ADGRL1: variants seen among roughly 807,000 people sequenced by gnomAD.
ADGRL1 encodes adhesion G protein-coupled receptor L1, also known as CIRL-1.
Under a neutral mutation model 148.9 loss-of-function variants are expected in ADGRL1, and 31 were observed. That is an observed-to-expected ratio of 0.21 (90% CI 0.16 to 0.28). The LOEUF is 0.28. ADGRL1 is among the 10% of genes least tolerant of loss of function. The probability of loss-of-function intolerance (pLI) is 1.00; values close to 1 mark genes in which losing one functional copy is unlikely to be tolerated. For synonymous variants in ADGRL1, 937 were observed against 900.3 expected (o/e 1.04, Z -0.73); for missense variants, 1,521 against 2,058.8 (o/e 0.74, Z 5.05).
chr19:14,184,187 G>T (rs1971413916), intron 1 of ADGRL1, among the ~76,000 whole-genome samples: 1 of 152,176 alleles, frequency 6.6e-6, no homozygotes, highest in African/African-American at 2.4e-5. Flanking sequence ...AAGCTCTGGT[G>T]GCTAATTAGA....
chr19:14,198,238 G>A (rs911346332), intron 1 of ADGRL1, among the ~76,000 whole-genome samples: 3 of 152,104 alleles, frequency 2.0e-5, no homozygotes, highest in African/African-American at 7.2e-5. Context: ...TTTCTAGAGA[G>A]GTGGGAGCCA....
chr19:14,168,497 G>A (rs1599445251), intron 4 of ADGRL1, among the ~76,000 whole-genome samples: 2 of 152,074 alleles, frequency 1.3e-5, no homozygotes, highest in South Asian at 2.1e-4. Flanking sequence ...TCTTCCATCA[G>A]ACAGGCAGCC....
chr19:14,154,953 A>T (rs981061413), intron 18 of ADGRL1, among the ~76,000 whole-genome samples: 1 of 152,062 alleles, frequency 6.6e-6, no homozygotes, highest in South Asian at 2.1e-4. Flanking sequence ...TAACACATTT[A>T]TTTTAAAAAG....
rs1555693815 is a variant in ADGRL1, at chr19:14,204,734, G to C, written c.-96+1251C>G. Among the ~76,000 whole-genome samples the C allele has an allele frequency of 5.6e-3, 794 of 142,750 alleles. 20 individuals are homozygous for C. Among genetic ancestry groups the C allele is most frequent in the Admixed American group, 0.042 (608 of 14,510 alleles). 93.6% of individuals were successfully genotyped at this position (142,750 alleles called of 152,430 possible). A position where few individuals can be genotyped will look rare whatever the true frequency, so the allele number is the denominator to read the frequency against. ...AGAGTGAGAGAGAGAGAGAGAGAGA[G>C]AGAGAGACAGACAGAGAGAGAGAGA... On this transcript the variant is annotated intron_variant, in intron 1 of 22. Coordinates refer to ENST00000361434, the MANE Select transcript of ADGRL1 (RefSeq NM_014921.5).
intron 2 of ADGRL1, among the ~76,000 whole-genome samples, chr19:14,182,306 T>G (rs1033454621): frequency 6.6e-6 from 1 of 152,236 alleles, no homozygotes; most frequent in Non-Finnish European, 1.5e-5. Flanking sequence ...GCAGGGTCCA[T>G]GCTGGCCGGG....
chr19:14,158,623 TC>T, intron 11 of ADGRL1, 71 bp from the exon 12 acceptor site: 1 of 1,308,982 alleles, frequency 7.6e-7, no homozygotes, highest in Non-Finnish European at 1.1e-6. Context: ...GCCCCTGGCT[TC>T]CCAGCTCAGC....
chr19:14,198,012 C>T (rs573598142), intron 1 of ADGRL1, among the ~76,000 whole-genome samples: 24 of 152,168 alleles, frequency 1.6e-4, no homozygotes, highest in Non-Finnish European at 2.5e-4. Flanking sequence ...AGTGACATTT[C>T]GGCAGAGGTC....
At chr19:14,174,837 G>GTTTTTT (rs34608406) in intron 3 of ADGRL1, among the ~76,000 whole-genome samples, 1 of 110,580 alleles carries the variant, frequency 9.0e-6, no homozygotes, top group Non-Finnish European at 1.8e-5. Context: ...CACCTGGTCT[G>GTTTTTT]TTTTTTTTTT....
intron 4 of ADGRL1, among the ~76,000 whole-genome samples, chr19:14,165,607 G>A (rs1191996697): frequency 1.8e-5 from 2 of 108,220 alleles, no homozygotes; most frequent in Non-Finnish European, 1.8e-5. Flanking sequence ...CCTGGCCCTC[G>A]AAGAGAAAAT....
chr19:14,205,670 C>T (rs1198947108), intron 1 of ADGRL1, among the ~76,000 whole-genome samples: 2 of 151,602 alleles, frequency 1.3e-5, no homozygotes, highest in African/African-American at 4.8e-5. Flanking sequence ...CGGGCACACG[C>T]AGCCACGCGC....
rs1972681799 is a variant in ADGRL1 at position 14,202,523 on chromosome 19, G to A, written c.-96+3462C>T. Among the ~76,000 whole-genome samples, 3 of 152,154 alleles carry A rather than the reference G, an allele frequency of 2.0e-5. No homozygotes were observed. The South Asian group carries it at 6.2e-4, about 32-fold the overall frequency. ...CCGCCTCAGCCTCCCAAAGTGCTGG[G>A]ATTACAGGTATGAGCCACCACGCCC... On this transcript the variant is annotated intron_variant, in intron 1 of 22. Coordinates refer to ENST00000361434, the MANE Select transcript of ADGRL1 (RefSeq NM_014921.5).
In ADGRL1 at chr19:14,150,312, G is replaced by GT. The variant is rs1257698527; in HGVS notation, c.*560dup. 4 of 153,084 alleles carry GT rather than the reference G, an allele frequency of 2.6e-5. No homozygotes were observed. The highest frequency in any genetic ancestry group is 4.4e-5 in the Non-Finnish European group (3 of 68,402). The allele number at this position is 153,084 out of a possible 1,614,324, so 9.5% of individuals were successfully genotyped here. A position where few individuals can be genotyped will look rare whatever the true frequency, so the allele number is the denominator to read the frequency against. On this transcript the variant is annotated 3_prime_UTR_variant, in exon 23 of 23. Transcript: ENST00000361434. ...TTAAACCACCAGCCACCACCGCCCA[G>GT]TCCCCCTGCCCTGCGGCCTTTTCCC...
intron 18 of ADGRL1, among the ~76,000 whole-genome samples, 196 bp from the exon 19 acceptor site, chr19:14,153,108 T>C (rs115132960): frequency 6.6e-6 from 1 of 152,272 alleles, no homozygotes; most frequent in African/African-American, 2.4e-5. Context: ...GCCGATCAGG[T>C]TTCACTCTCT....
In ADGRL1 at chr19:14,156,806, G is replaced by A. The variant is rs575109220; in HGVS notation, c.2967-82C>T. The A allele has an allele frequency of 4.6e-6, 7 of 1,526,704 alleles. No individual in the cohort carries two copies. The African/African-American group carries it at 6.9e-5, about 15-fold the overall frequency. 94.6% of individuals were successfully genotyped at this position (1,526,704 alleles called of 1,614,324 possible). On this transcript the variant is annotated intron_variant, in intron 15 of 22. Transcript: ENST00000361434. ...CTCATGAAGGCCTAGGACTCTGCAGGCTGCAGCCTCTGGGATCAGGAGGAG... is the reference window on the plus strand; with the variant it reads ...CTCATGAAGGCCTAGGACTCTGCAGACTGCAGCCTCTGGGATCAGGAGGAG...
chr19:14,196,305 C>G (rs1048555846), intron 1 of ADGRL1, among the ~76,000 whole-genome samples: 19 of 152,244 alleles, frequency 1.2e-4, no homozygotes, highest in African/African-American at 4.6e-4. Context: ...GACCAAAAGC[C>G]AAAGTCTGTA....
chr19:14,203,044 C>T (rs1599532404), intron 1 of ADGRL1, among the ~76,000 whole-genome samples: 1 of 152,154 alleles, frequency 6.6e-6, no homozygotes, highest in African/African-American at 2.4e-5. Flanking sequence ...CTCCAGGACC[C>T]GTCTCTCCCC....
chr19:14,150,737 A>C lies in ADGRL1; in HGVS notation c.*136T>G. ...GGTTAGAGTCCCCTGAGGGGACTGT[A>C]GGGCCCATGGCTGAGGGGCACCTGG... On this transcript the variant is annotated 3_prime_UTR_variant, in exon 23 of 23. Coordinates refer to ENST00000361434, the MANE Select transcript of ADGRL1 (RefSeq NM_014921.5). 3 of 1,045,624 alleles carry C rather than the reference A, an allele frequency of 2.9e-6. No individual in the cohort carries two copies. The highest frequency in any genetic ancestry group is 2.6e-5 in the East Asian group (1 of 38,954). The allele number at this position is 1,045,624 out of a possible 1,614,324, so 64.8% of individuals were successfully genotyped here. A position where few individuals can be genotyped will look rare whatever the true frequency, so the allele number is the denominator to read the frequency against.
chr19:14,153,149 C>A (rs961100608), intron 18 of ADGRL1, among the ~76,000 whole-genome samples: 8 of 152,230 alleles, frequency 5.3e-5, no homozygotes, highest in Non-Finnish European at 1.0e-4. Flanking sequence ...TTCTCCACCT[C>A]CTCTGACAGT....
rs753524743 is a variant in ADGRL1 at position 14,157,351 on chromosome 19, C to T, written c.2645G>A (p.Gly882Glu). The T allele has an allele frequency of 2.5e-6, 4 of 1,614,172 alleles. No homozygotes were observed. The highest frequency in any genetic ancestry group is 3.4e-6 in the Non-Finnish European group (4 of 1,179,996). The change falls in exon 14 of 23, where the codon GGG (glycine) becomes GAG (glutamate). Residue 882 changes from glycine to glutamate, a missense_variant. This residue lies in a region of ADGRL1 where 265 missense variants were observed against 431.9 expected (regional missense o/e 0.61). Transcript: ENST00000361434. This position sits in a 1 kb window ranked among gnomAD's most constrained non-coding sequence, Gnocchi z 7.5. Reference sequence around the variant, plus strand: ...GATGGTGTTGCGGTCGGTCTGCAGCCCCCGCAGGAAGCAGAAGGTGGAGAT... The same window carrying T: ...GATGGTGTTGCGGTCGGTCTGCAGCTCCCGCAGGAAGCAGAAGGTGGAGAT... ...ICISTFCFLR[G>E]LQTDRNTIHK...
Sources: allele counts gnomAD v4.1 joint callset (sites outside exome capture counted in the v4.1 genomes callset), GRCh38; gene constraint gnomAD v4.1.1; regional missense constraint gnomAD v4.1.1; non-coding constraint Gnocchi (gnomAD v3.1); transcripts MANE v1.5; gene names NCBI Gene and HGNC (gene_info 2026-07-23, HGNC 2026-07-21).